CENPU: variants seen among roughly 807,000 people sequenced by gnomAD.
The protein encoded by CENPU is KSHV latent nuclear antigen interacting protein 1.
In CENPU, 46 loss-of-function variants were observed where a neutral mutation model predicts 56.7. That is an observed-to-expected ratio of 0.81 (90% CI 0.64 to 1.04). The LOEUF is 1.04. CENPU is among the 50% of genes least tolerant of loss of function. CENPU has a pLI of 0.00. For missense variants in CENPU, 510 were observed against 490.1 expected (o/e 1.04, Z -0.38); for synonymous variants, 166 against 163.0 (o/e 1.02, Z -0.14).
rs1404496939 is a variant in CENPU, at chr4:184,717,174, C to T, written c.343G>A (p.Ala115Thr). The T allele has an allele frequency of 1.2e-6, 2 of 1,612,356 alleles. No homozygotes were observed. Among genetic ancestry groups the T allele is most frequent in the Non-Finnish European group, 1.7e-6 (2 of 1,179,688 alleles). Residue 115 changes from alanine to threonine, a missense_variant, in exon 5 of 13, where the codon GCA becomes ACA. Transcript: ENST00000281453. ...KRSSDTSGNEASEIESVKISA... is the reference protein window; with the variant it reads ...KRSSDTSGNETSEIESVKISA... The stretch of plus-strand genomic sequence containing the variant: ...ATTTTTACAGATTCGATTTCACTTG[C>T]TTCATTTCCAGAAGTGTCTGAACTG...
At chr4:184,696,667 C>A (rs1760334906) in intron 12 of CENPU, among the ~76,000 whole-genome samples, 1 of 150,744 alleles carries the variant, frequency 6.6e-6, no homozygotes, top group African/African-American at 2.4e-5. Context: ...CAAATCTGAT[C>A]ATAAAATATG....
chr4:184,726,559 G>A (rs2150229002), intron 3 of CENPU, among the ~76,000 whole-genome samples: 1 of 152,322 alleles, frequency 6.6e-6, no homozygotes, highest in East Asian at 1.9e-4. Context: ...TGGGAACACA[G>A]GCACTGTGGA....
chr4:184,706,836 A>C (rs1338554494), intron 8 of CENPU, among the ~76,000 whole-genome samples: 1 of 152,246 alleles, frequency 6.6e-6, no homozygotes, highest in East Asian at 1.9e-4. Flanking sequence ...CCTCTTCTAA[A>C]TCATTTCTTA....
rs1760127275 is a variant in CENPU, at chr4:184,694,698, T to C, written c.*590A>G. On this transcript the variant is annotated 3_prime_UTR_variant, in exon 13 of 13. Transcript: ENST00000281453. Reference sequence around the variant, plus strand: ...CTGAAGATGCTGAATTAGCTGAAGCTGCAGAGAACAGTCTTCTCAGTTATA... The same window carrying C: ...CTGAAGATGCTGAATTAGCTGAAGCCGCAGAGAACAGTCTTCTCAGTTATA... 6.2e-7 allele frequency: 1 copy of C among 1,613,820 alleles called. No homozygotes were observed. The highest frequency in any genetic ancestry group is 8.5e-7 in the Non-Finnish European group (1 of 1,179,700).
chr4:184,694,993 C>T lies in CENPU; in HGVS notation c.*295G>A. The T allele has an allele frequency of 1.8e-6, 1 of 548,768 alleles. No homozygotes were observed. 34.0% of individuals were successfully genotyped at this position (548,768 alleles called of 1,614,324 possible). On this transcript the variant is annotated 3_prime_UTR_variant, in exon 13 of 13. Coordinates refer to ENST00000281453, the MANE Select transcript of CENPU (RefSeq NM_024629.4). ...CTTATTAATTAATCAAAATTATGTT[C>T]ACATCAACTTAATTTTACAAGTTTA...
intron 2 of CENPU, 138 bp downstream of exon 2, chr4:184,730,782 T>C (rs984987661): frequency 5.3e-5 from 30 of 565,924 alleles, no homozygotes; most frequent in Non-Finnish European, 8.4e-5. Flanking sequence ...CCGGAAAAAG[T>C]GTGAGGAAAA....
chr4:184,708,261 A>G (rs961584324), intron 8 of CENPU, among the ~76,000 whole-genome samples: 9 of 151,592 alleles, frequency 5.9e-5, no homozygotes, highest in African/African-American at 2.2e-4. Context: ...ATATTAATAT[A>G]AAAGCTAAGT....
Position 184,713,024 on chromosome 4 carries a change from A to C in CENPU, c.619-11T>G. The C allele has an allele frequency of 6.6e-7, 1 of 1,518,228 alleles. No individual in the cohort carries two copies. The highest frequency in any genetic ancestry group is 8.9e-7 in the Non-Finnish European group (1 of 1,118,158). The allele number at this position is 1,518,228 out of a possible 1,614,324, so 94.0% of individuals were successfully genotyped here. On this transcript the variant is annotated splice_polypyrimidine_tract_variant and intron_variant, in intron 6 of 12. Transcript: ENST00000281453. Reference sequence around the variant, plus strand: ...TTTTTTCTGAGTTTTCTACAAAAAAAAAAAGCATTAAGTTTTTAAGAAAAG... The same window carrying C: ...TTTTTTCTGAGTTTTCTACAAAAAACAAAAGCATTAAGTTTTTAAGAAAAG...
chr4:184,700,062 T>G (rs1760480600), intron 11 of CENPU, among the ~76,000 whole-genome samples: 1 of 152,234 alleles, frequency 6.6e-6, no homozygotes, highest in African/African-American at 2.4e-5. Context: ...CTCAAGCTAT[T>G]TTTAAGCTCA....
At chr4:184,702,825 T>C (rs1327103588) in intron 8 of CENPU, among the ~76,000 whole-genome samples, 1 of 152,186 alleles carries the variant, frequency 6.6e-6, no homozygotes, top group African/African-American at 2.4e-5. Flanking sequence ...CACGCGGTAT[T>C]TGGCTTTCTG....
At chr4:184,719,102 G>A (rs1761190090) in intron 4 of CENPU, among the ~76,000 whole-genome samples, 1 of 152,156 alleles carries the variant, frequency 6.6e-6, no homozygotes, top group South Asian at 2.1e-4. Flanking sequence ...GGAGCAAGAT[G>A]GCTGAACAGA....
rs776087596 is a variant in CENPU at position 184,734,031 on chromosome 4, G to C, written c.32C>G (p.Pro11Arg). 1 of 1,586,092 alleles carries C rather than the reference G, an allele frequency of 6.3e-7. No individual in the cohort carries two copies. The highest frequency in any genetic ancestry group is 8.6e-7 in the Non-Finnish European group (1 of 1,169,250). The change falls in exon 1 of 13, where the codon CCT becomes CGT. Residue 11 changes from proline (P) to arginine (R), a missense_variant. Transcript: ENST00000281453. ...CAGTACTTACCCCTCAGACCTGTGAGGCCGCGGCCGCCGCCGCCCCCGCGG... is the reference window on the plus strand; with the variant it reads ...CAGTACTTACCCCTCAGACCTGTGACGCCGCGGCCGCCGCCGCCCCCGCGG... MAPRGRRRPR[P>R]HRSEGARRSK... is the part of the protein sequence containing the mutation.
chr4:184,700,258 C>A (rs943910741), intron 11 of CENPU, among the ~76,000 whole-genome samples: 4 of 152,074 alleles, frequency 2.6e-5, no homozygotes, highest in Admixed American at 2.6e-4. Context: ...GGAGTGGATT[C>A]ACATGCATGT....
At chr4:184,704,419 G>A (rs948995252) in intron 8 of CENPU, among the ~76,000 whole-genome samples, 2 of 152,000 alleles carry the variant, frequency 1.3e-5, no homozygotes, top group Admixed American at 6.6e-5. Flanking sequence ...ATCCTGGGAG[G>A]AATAGGCAAC....
Position 184,724,859 on chromosome 4 carries a change from G to A in CENPU, c.320+98C>T, listed in dbSNP as rs908006451. On this transcript the variant is annotated intron_variant, in intron 4 of 12. Coordinates refer to ENST00000281453, the MANE Select transcript of CENPU (RefSeq NM_024629.4). ...AAAAGCATAACAAGTTGGCTCAAAG[G>A]ATCTTGAAATGCTTTTGTTTTATTA... The A allele has an allele frequency of 3.9e-6, 3 of 761,382 alleles. No homozygotes were observed. In the Admixed American group the frequency reaches 8.4e-5, roughly 21 times the overall value. The allele number at this position is 761,382 out of a possible 1,614,324, so 47.2% of individuals were successfully genotyped here. A position where few individuals can be genotyped will look rare whatever the true frequency, so the allele number is the denominator to read the frequency against.
intron 8 of CENPU, among the ~76,000 whole-genome samples, chr4:184,706,131 A>T (rs996501624): frequency 1.3e-5 from 2 of 150,522 alleles, no homozygotes; most frequent in Admixed American, 6.6e-5. Context: ...ACAATTAAAA[A>T]TTTACATAAG....
chr4:184,733,249 G>A, intron 1 of CENPU: 1 of 923,068 alleles, frequency 1.1e-6, no homozygotes, highest in Non-Finnish European at 1.3e-6. Context: ...CCACCCACCT[G>A]CGGTGTCCTG....
chr4:184,712,354 C>T (rs180816283), intron 7 of CENPU, among the ~76,000 whole-genome samples: 4 of 152,218 alleles, frequency 2.6e-5, no homozygotes, highest in African/African-American at 9.6e-5. Flanking sequence ...TATACAAAAT[C>T]CCAGAACAGG....
chr4:184,703,358 C>T (rs1342299136), intron 8 of CENPU, among the ~76,000 whole-genome samples: 1 of 152,150 alleles, frequency 6.6e-6, no homozygotes, highest in African/African-American at 2.4e-5. Flanking sequence ...GTTAGTTCTT[C>T]AGAAACTATA....
Sources: gnomAD v4.1 joint callset for allele counts (sites outside exome capture counted in the v4.1 genomes callset) on GRCh38, gnomAD v4.1.1 for gene constraint, MANE v1.5 for transcripts, NCBI Gene and HGNC (gene_info 2026-07-23, HGNC 2026-07-21) for gene names.